Variants in RPAP3 observed in about 807,000 individuals in gnomAD.
The protein encoded by RPAP3 is RNA polymerase II associated protein 3, also known as RNA polymerase II-associated protein 3.
A neutral mutation model predicts 88.8 loss-of-function variants in RPAP3; 58 were observed. That is an observed-to-expected ratio of 0.65 (90% CI 0.53 to 0.81). The LOEUF (loss-of-function observed/expected upper bound fraction) is 0.81, where lower values mean the gene tolerates loss of function less well. Among genes scored for constraint, RPAP3 ranks in the 40% least tolerant of loss-of-function variants. RPAP3 has a pLI of 0.00. For missense variants in RPAP3, 751 were observed against 764.3 expected, an observed-to-expected ratio of 0.98 and a Z score of 0.20; for synonymous variants, 255 against 259.9, an observed-to-expected ratio of 0.98 and a Z score of 0.18.
intron 16 of RPAP3, among the ~76,000 whole-genome samples, chr12:47,666,186 C>CT (rs1157285278): frequency 3.3e-5 from 5 of 152,136 alleles, no homozygotes; most frequent in African/African-American, 9.7e-5. Context: ...GCCCAAAACT[C>CT]TGAGCAACTG....
chr12:47,681,939 G>A, intron 9 of RPAP3, 122 bp from the exon 10 acceptor site: 1 of 897,848 alleles, frequency 1.1e-6, no homozygotes, highest in Non-Finnish European at 1.6e-6. Context: ...CTAAATCTGT[G>A]TTTGAAGTGG....
In RPAP3 at chr12:47,704,754, C is replaced by CA. The variant is rs1939743594; in HGVS notation, c.-7+1197dup. 2.6e-5 allele frequency among the ~76,000 whole-genome samples: 4 copies of CA among 152,028 alleles called. No homozygotes were observed. In the South Asian group the frequency reaches 8.3e-4, roughly 32 times the overall value. ...AGGTGGCTCATGCCTGTAATCCCGG[C>CA]ACTTTGGGAGGCAGAGGTTGGGGGG... On this transcript the variant is annotated intron_variant, in intron 1 of 16. Coordinates refer to ENST00000005386, the MANE Select transcript of RPAP3 (RefSeq NM_024604.3).
chr12:47,677,685 A>G (rs140551867), intron 12 of RPAP3, among the ~76,000 whole-genome samples: 2,112 of 152,220 alleles, frequency 0.014, 49 homozygotes, highest in African/African-American at 0.048. Context: ...AGAGAATAAA[A>G]TACCTAGGAA....
intron 9 of RPAP3, among the ~76,000 whole-genome samples, chr12:47,686,539 T>A (rs113543721): frequency 1.4e-5 from 1 of 73,408 alleles, no homozygotes; most frequent in South Asian, 5.8e-4. Context: ...AACACACACA[T>A]ACACATACAC....
rs761553396 is a variant in RPAP3, at chr12:47,679,508, C to T, written c.1272G>A (p.Pro424=). 5.8e-5 allele frequency: 92 copies of T among 1,596,650 alleles called. 1 individual carries two copies. The highest frequency in any genetic ancestry group is 9.0e-5 in the East Asian group (4 of 44,596). ...QNVVKPIDNP[P]HPGSTKPLKK... is the part of the protein sequence containing the mutation. ...CTTTACTTACAGTTGATCCAGGATG[C>T]GGTGGATTATCAATGGGTTTTACCA... The change falls in exon 12 of 17, where the codon CCG becomes CCA. Residue 424 remains proline, a synonymous_variant. Coordinates refer to ENST00000005386, the MANE Select transcript of RPAP3 (RefSeq NM_024604.3).
At chr12:47,686,439 A>C (rs1939322121) in intron 9 of RPAP3, among the ~76,000 whole-genome samples, 1 of 152,116 alleles carries the variant, frequency 6.6e-6, no homozygotes, top group Admixed American at 6.6e-5. Flanking sequence ...TAAACTGTGT[A>C]ATGCCAGACT....
At position 47,702,860 on chromosome 12, in the gene RPAP3, A is replaced by G. The variant is rs560591476; in HGVS notation, c.-6-14T>C. ...AGTCATTATGGTCTGCAGAGTTTTG[A>G]ACAACCAACCTCTGATAAGAATAGG... On this transcript the variant is annotated splice_polypyrimidine_tract_variant and intron_variant, in intron 1 of 16. Transcript: ENST00000005386. 7 of 1,603,930 alleles carry G rather than the reference A, an allele frequency of 4.4e-6. No individual in the cohort carries two copies. In the African/African-American group the frequency reaches 9.4e-5, roughly 22 times the overall value.
chr12:47,666,849 A>C (rs1331590008), intron 16 of RPAP3, 131 bp downstream of exon 16: 4 of 277,564 alleles, frequency 1.4e-5, no homozygotes, highest in Non-Finnish European at 2.6e-5. Context: ...AATATCATCC[A>C]ATTTAAATAT....
rs113901260 is a variant in RPAP3, at chr12:47,698,905, A to G, written c.295-1186T>C. On this transcript the variant is annotated intron_variant, in intron 3 of 16. Transcript: ENST00000005386. ...CAAACACTAAAGTTATTTACGTAGGAAAAAAATTGCTTATAAAAATAAAAA... is the reference window on the plus strand; with the variant it reads ...CAAACACTAAAGTTATTTACGTAGGGAAAAAATTGCTTATAAAAATAAAAA... Among the ~76,000 whole-genome samples the G allele has an allele frequency of 6.2e-3, 939 of 152,350 alleles. 6 individuals are homozygous for G. The highest frequency in any genetic ancestry group is 0.021 in the African/African-American group (859 of 41,578).
At chr12:47,670,663 T>C (rs1294660062) in intron 12 of RPAP3, among the ~76,000 whole-genome samples, 1 of 152,126 alleles carries the variant, frequency 6.6e-6, no homozygotes, top group African/African-American at 2.4e-5. Flanking sequence ...AGGGAAGCCT[T>C]CACAGAAAAA....
intron 1 of RPAP3, among the ~76,000 whole-genome samples, chr12:47,703,998 A>G (rs1939711268): frequency 6.6e-6 from 1 of 152,234 alleles, no homozygotes. Context: ...ACGGAAAGTC[A>G]GATTATTTGT....
chr12:47,667,551 C>T (rs1938904990), intron 15 of RPAP3, among the ~76,000 whole-genome samples: 1 of 152,082 alleles, frequency 6.6e-6, no homozygotes, highest in Non-Finnish European at 1.5e-5. Flanking sequence ...TCTCACTTAA[C>T]ATCATCAATA....
intron 1 of RPAP3, among the ~76,000 whole-genome samples, chr12:47,704,088 G>A (rs1187275608): frequency 6.6e-6 from 1 of 152,182 alleles, no homozygotes; most frequent in Non-Finnish European, 1.5e-5. Context: ...GATAAATTCC[G>A]GTGTCACTAG....
intron 5 of RPAP3, among the ~76,000 whole-genome samples, chr12:47,691,732 T>G (rs748715513): frequency 6.6e-6 from 1 of 152,270 alleles, no homozygotes; most frequent in East Asian, 1.9e-4. Context: ...GTACACTACT[T>G]TGAAATAAAT....
intron 9 of RPAP3, 107 bp downstream of exon 9, chr12:47,686,673 C>A: frequency 1.2e-6 from 1 of 801,512 alleles, no homozygotes; most frequent in South Asian, 2.7e-5. Flanking sequence ...GGCATGTGAG[C>A]TAACCTAACA....
chr12:47,668,243 T>C (rs532801873), intron 14 of RPAP3, among the ~76,000 whole-genome samples: 17 of 152,260 alleles, frequency 1.1e-4, no homozygotes, highest in African/African-American at 4.1e-4. Context: ...TTATGAATAA[T>C]AATGGAGTCA....
chr12:47,704,251 T>G (rs1223575889), intron 1 of RPAP3, among the ~76,000 whole-genome samples: 4 of 152,162 alleles, frequency 2.6e-5, no homozygotes, highest in Non-Finnish European at 5.9e-5. Context: ...GAGAAAAACC[T>G]AGAGTGTACT....
In RPAP3 at chr12:47,687,808, G is replaced by A; in HGVS notation, c.864+68C>T. 2.0e-6 allele frequency: 3 copies of A among 1,502,194 alleles called. No homozygotes were observed. In the South Asian group the frequency reaches 3.9e-5, roughly 20 times the overall value. The allele number at this position is 1,502,194 out of a possible 1,614,324, so 93.1% of individuals were successfully genotyped here. A position where few individuals can be genotyped will look rare whatever the true frequency, so the allele number is the denominator to read the frequency against. On this transcript the variant is annotated intron_variant, in intron 8 of 16. Coordinates refer to ENST00000005386, the MANE Select transcript of RPAP3 (RefSeq NM_024604.3). ...ATATTAGAGAAGAAAGAAATTAACT[G>A]ATATACAAGAAATAAATCAACACTC... is the stretch of plus-strand genomic sequence containing the variant.
At chr12:47,685,925 A>G (rs1939312571) in intron 9 of RPAP3, among the ~76,000 whole-genome samples, 1 of 152,232 alleles carries the variant, frequency 6.6e-6, no homozygotes, top group African/African-American at 2.4e-5. Flanking sequence ...TGTTAATAAA[A>G]AATCAAATAT....
Sources: gnomAD v4.1 joint callset for allele counts (sites outside exome capture counted in the v4.1 genomes callset) on GRCh38, gnomAD v4.1.1 for gene constraint, MANE v1.5 for transcripts, NCBI Gene and HGNC (gene_info 2026-07-23, HGNC 2026-07-21) for gene names.